CSMD1: variants seen among roughly 807,000 people sequenced by gnomAD.
CSMD1 encodes the protein CUB and Sushi multiple domains 1.
In CSMD1, 213 loss-of-function variants were observed where a neutral mutation model predicts 417.5. The ratio of observed to expected loss-of-function variants is 0.51; its 90% CI spans 0.46 to 0.57. CSMD1 has a LOEUF of 0.57. Among genes scored for constraint, CSMD1 ranks in the 20% least tolerant of loss-of-function variants. CSMD1 has a pLI of 0.00. For synonymous variants in CSMD1, 2,862 were observed against 1,736.8 expected (o/e 1.65, Z -16.11); for missense variants, 6,923 against 4,529.7 (o/e 1.53, Z -15.17).
At chr8:3,203,967 G>C (rs975829408) in intron 31 of CSMD1, among the ~76,000 whole-genome samples, 7 of 152,174 alleles carry the variant, frequency 4.6e-5, no homozygotes, top group African/African-American at 1.4e-4. Context: ...CAGGGACATG[G>C]ACCAGATTCC....
chr8:3,771,104 T>G (rs1798547188), intron 5 of CSMD1, among the ~76,000 whole-genome samples: 1 of 152,116 alleles, frequency 6.6e-6, no homozygotes, highest in African/African-American at 2.4e-5. Context: ...TCTCAGGATC[T>G]TGAAAAACTG....
At chr8:4,056,453 A>G (rs1428130425) in intron 3 of CSMD1, among the ~76,000 whole-genome samples, 4 of 149,906 alleles carry the variant, frequency 2.7e-5, no homozygotes, top group Non-Finnish European at 4.4e-5. Flanking sequence ...TTTATTTATG[A>G]TATTAAAATA....
At chr8:3,996,204 T>G (rs1815200860) in intron 5 of CSMD1, among the ~76,000 whole-genome samples, 1 of 152,210 alleles carries the variant, frequency 6.6e-6, no homozygotes, top group South Asian at 2.1e-4. Context: ...TCTCCCAACC[T>G]GACATCTTAC....
chr8:4,479,945 G>A (rs1333855876), intron 2 of CSMD1, among the ~76,000 whole-genome samples: 1 of 147,122 alleles, frequency 6.8e-6, no homozygotes, highest in Admixed American at 6.8e-5. Context: ...CAGCCTGGGT[G>A]ACACAGCAAG....
chr8:4,695,261 C>G (rs1737716731), intron 1 of CSMD1, among the ~76,000 whole-genome samples: 1 of 152,200 alleles, frequency 6.6e-6, no homozygotes, highest in Non-Finnish European at 1.5e-5. Flanking sequence ...GCAGTTCTAC[C>G]AAAACCTCTC....
intron 3 of CSMD1, among the ~76,000 whole-genome samples, chr8:4,382,218 C>T (rs1416647333): frequency 2.6e-5 from 4 of 152,122 alleles, no homozygotes; most frequent in African/African-American, 4.8e-5. Context: ...AATGGAAACT[C>T]AATTTCATTA....
chr8:3,292,642 A>T (rs1803665169), intron 25 of CSMD1, among the ~76,000 whole-genome samples: 1 of 152,124 alleles, frequency 6.6e-6, no homozygotes, highest in African/African-American at 2.4e-5. Context: ...AGAGACTAGG[A>T]TGGCAACCCC....
At chr8:4,120,693 A>T (rs570564093) in intron 3 of CSMD1, among the ~76,000 whole-genome samples, 12 of 152,340 alleles carry the variant, frequency 7.9e-5, no homozygotes, top group African/African-American at 2.4e-4. Context: ...TTTAGATGCC[A>T]AATACATATT....
chr8:4,000,928 T>C (rs772893224), intron 4 of CSMD1, among the ~76,000 whole-genome samples: 5 of 152,054 alleles, frequency 3.3e-5, no homozygotes, highest in Non-Finnish European at 7.4e-5. Flanking sequence ...GTTACCAAAA[T>C]GATGTAGTTG....
intron 10 of CSMD1, among the ~76,000 whole-genome samples, chr8:3,527,035 G>A (rs1399449918): frequency 6.6e-6 from 1 of 152,016 alleles, no homozygotes; most frequent in African/African-American, 2.4e-5. Flanking sequence ...TGGCTGGGCT[G>A]CAGTTGTCGT....
At chr8:3,157,788 G>T in intron 39 of CSMD1, 109 bp downstream of exon 39, 1 of 882,840 alleles carries the variant, frequency 1.1e-6, no homozygotes, top group Non-Finnish European at 1.8e-6. Context: ...TATAACACGT[G>T]TTTTGAAATT....
chr8:3,885,178 A>G (rs1471582420), intron 5 of CSMD1, among the ~76,000 whole-genome samples: 1 of 152,074 alleles, frequency 6.6e-6, no homozygotes, highest in East Asian at 1.9e-4. Flanking sequence ...GAGTTTATTA[A>G]GAGACATTCA....
chr8:4,033,159 G>A (rs1269480041), intron 3 of CSMD1, among the ~76,000 whole-genome samples: 3 of 130,314 alleles, frequency 2.3e-5, no homozygotes, highest in East Asian at 4.4e-4. Flanking sequence ...AAAAAAACCT[G>A]GCCAGGCACG....
chr8:3,233,384 G>C (rs1051213905), intron 26 of CSMD1, among the ~76,000 whole-genome samples: 4 of 152,208 alleles, frequency 2.6e-5, no homozygotes, highest in African/African-American at 9.6e-5. Flanking sequence ...ATCCCCACCA[G>C]CAAGAGGGCC....
chr8:4,132,559 G>A (rs975756107), intron 3 of CSMD1, among the ~76,000 whole-genome samples: 2 of 152,112 alleles, frequency 1.3e-5, no homozygotes, highest in African/African-American at 4.8e-5. Flanking sequence ...CAATAAATAA[G>A]GCCCTTTGTG....
chr8:4,361,842 C>G (rs1404161385), intron 3 of CSMD1, among the ~76,000 whole-genome samples: 2 of 152,034 alleles, frequency 1.3e-5, no homozygotes, highest in Non-Finnish European at 2.9e-5. Flanking sequence ...GTACTCCCAG[C>G]TATTTGGGAG....
intron 5 of CSMD1, among the ~76,000 whole-genome samples, chr8:3,793,174 AT>A (rs1799844470): frequency 6.6e-6 from 1 of 152,028 alleles, no homozygotes; most frequent in Non-Finnish European, 1.5e-5. Flanking sequence ...GGGCTGATGG[AT>A]TTTGGCATTT....
chr8:3,187,823 T>C (rs768215087), intron 36 of CSMD1, 46 bp downstream of exon 36: 2 of 1,393,008 alleles, frequency 1.4e-6, no homozygotes, highest in Non-Finnish European at 2.0e-6. Flanking sequence ...TTCTTGGTGT[T>C]TGCAGATTTT....
At chr8:4,346,499 A>T (rs1344566840) in intron 3 of CSMD1, among the ~76,000 whole-genome samples, 1 of 152,088 alleles carries the variant, frequency 6.6e-6, no homozygotes, top group African/African-American at 2.4e-5. Context: ...TAGCCTCATG[A>T]CATTATTGTC....
Sources: gnomAD v4.1 joint callset for allele counts (sites outside exome capture counted in the v4.1 genomes callset) on GRCh38, gnomAD v4.1.1 for gene constraint, MANE v1.5 for transcripts, NCBI Gene and HGNC (gene_info 2026-07-23, HGNC 2026-07-21) for gene names.